Variants in MYO18A observed in about 807,000 individuals in gnomAD.
MYO18A encodes myosin XVIIIA.
A neutral mutation model predicts 235.8 loss-of-function variants in MYO18A; 78 were observed. The observed-to-expected ratio is 0.33, with a 90% confidence interval of 0.28 to 0.40. MYO18A has a LOEUF of 0.40. MYO18A is among the 10% of genes least tolerant of loss of function. The probability of loss-of-function intolerance (pLI) is 1.00; values close to 1 mark genes in which losing one functional copy is unlikely to be tolerated. For missense variants in MYO18A, 2,215 were observed against 2,699.3 expected (o/e 0.82, Z 3.98); for synonymous variants, 977 against 1,077.8 (o/e 0.91, Z 1.83).
chr17:29,128,893 C>A (rs189442386), intron 2 of MYO18A, among the ~76,000 whole-genome samples: 1 of 152,282 alleles, frequency 6.6e-6, no homozygotes, highest in East Asian at 1.9e-4. Context: ...TGTGTCAGGG[C>A]AGCAACCAAG....
At chr17:29,080,259 G>A in intron 41 of MYO18A, 2 of 985,952 alleles carry the variant, frequency 2.0e-6, no homozygotes, top group South Asian at 4.7e-5. Context: ...TCAAGACCTC[G>A]TTGACGGCAG....
intron 20 of MYO18A, among the ~76,000 whole-genome samples, chr17:29,104,267 A>G (rs1260556553): frequency 6.6e-6 from 1 of 152,192 alleles, no homozygotes; most frequent in Non-Finnish European, 1.5e-5. Context: ...CTTAGGCAGT[A>G]ATCCACAGGA....
In MYO18A at chr17:29,118,239, T is replaced by G; in HGVS notation, c.1894-50A>C. 2 of 1,575,952 alleles carry G rather than the reference T, an allele frequency of 1.3e-6. No individual in the cohort carries two copies. The highest frequency in any genetic ancestry group is 1.7e-6 in the Non-Finnish European group (2 of 1,158,368). ...GGCTGTCCCTCCCAGCACACCCCCA[T>G]GAGGCTGGGCCCTCAGGGCAAGGCT... On this transcript the variant is annotated intron_variant, in intron 9 of 41. Coordinates refer to ENST00000527372, the MANE Select transcript of MYO18A (RefSeq NM_078471.4). The surrounding 1 kb of genome is among the most constrained non-coding windows in gnomAD (Gnocchi z 4.2).
chr17:29,116,545 C>T (rs559217969), intron 10 of MYO18A, 90 bp from the exon 11 acceptor site: 126 of 1,522,576 alleles, frequency 8.3e-5, no homozygotes, highest in Non-Finnish European at 1.1e-4. Context: ...TCGGAGGGAC[C>T]GTGGGGCGGG....
At chr17:29,161,933 G>T (rs2068183523) in intron 2 of MYO18A, among the ~76,000 whole-genome samples, 1 of 152,190 alleles carries the variant, frequency 6.6e-6, no homozygotes, top group South Asian at 2.1e-4. Flanking sequence ...AAGAGTAACT[G>T]ATCCAAATAC....
At chr17:29,167,612 T>C (rs568014127) in intron 1 of MYO18A, among the ~76,000 whole-genome samples, 2 of 151,966 alleles carry the variant, frequency 1.3e-5, no homozygotes, top group South Asian at 2.1e-4. Flanking sequence ...ACTTGGGAAT[T>C]TGAGGATTGC....
rs372256212 is a variant in MYO18A at position 29,094,104 on chromosome 17, G to C, written c.4711-14C>G. 2.9e-4 allele frequency: 458 copies of C among 1,587,716 alleles called. No individual in the cohort carries two copies. The highest frequency in any genetic ancestry group is 3.8e-4 in the Non-Finnish European group (447 of 1,166,348). ...ACGCAGCTTGGCCTGGAGGTGGTTG[G>C]AGTAGGGTCTGGGTTCCCTCCCCAG... is the stretch of plus-strand genomic sequence containing the variant. On this transcript the variant is annotated splice_polypyrimidine_tract_variant and intron_variant, in intron 30 of 41. Transcript: ENST00000527372.
chr17:29,097,957 AC>A, intron 25 of MYO18A, 58 bp from the exon 26 acceptor site: 2 of 1,574,754 alleles, frequency 1.3e-6, no homozygotes, highest in African/African-American at 1.3e-5. Flanking sequence ...CACTCCCCGA[AC>A]CACACAGACC....
chr17:29,092,322 C>G, intron 34 of MYO18A, 21 bp downstream of exon 34: 1 of 1,591,556 alleles, frequency 6.3e-7, no homozygotes, highest in Non-Finnish European at 8.6e-7. Context: ...GAGCTCTGCC[C>G]CGGGCACCTT....
intron 33 of MYO18A, 64 bp downstream of exon 33, chr17:29,092,791 G>C: frequency 1.3e-6 from 2 of 1,583,818 alleles, no homozygotes; most frequent in African/African-American, 1.3e-5. Context: ...GAGCGAGAGA[G>C]AGAAAGAGAA....
Position 29,074,460 on chromosome 17 carries a change from G to A in MYO18A, c.*310C>T, listed in dbSNP as rs376522809. ...GCAGGGAGCTGAGAGGGAGGTCAAC[G>A]TGCTGGCTCCATGCAGTGCCAGGCC... On this transcript the variant is annotated 3_prime_UTR_variant, in exon 42 of 42. Transcript: ENST00000527372. This position sits in a 1 kb window ranked among gnomAD's most constrained non-coding sequence, Gnocchi z 4.4. 7 of 578,328 alleles carry A rather than the reference G, an allele frequency of 1.2e-5. 1 individual carries two copies. Among genetic ancestry groups the A allele is most frequent in the South Asian group, 4.8e-5 (2 of 41,948 alleles). The allele number at this position is 578,328 out of a possible 1,614,324, so 35.8% of individuals were successfully genotyped here.
intron 2 of MYO18A, among the ~76,000 whole-genome samples, chr17:29,129,602 C>T (rs539460223): frequency 1.1e-3 from 171 of 152,362 alleles, no homozygotes; most frequent in Non-Finnish European, 1.4e-3. Context: ...CTGAGCTGTG[C>T]TTGAGTCCTT....
rs190498027 is a variant in MYO18A, at chr17:29,074,408, A to C, written c.*362T>G. ...TGGACCCAGCAACCTAGAGTGTCCC[A>C]GTAGGCAACCTGTCCACCGTCCCTG... is the stretch of plus-strand genomic sequence containing the variant. On this transcript the variant is annotated 3_prime_UTR_variant, in exon 42 of 42. Coordinates refer to ENST00000527372, the MANE Select transcript of MYO18A (RefSeq NM_078471.4). This position sits in a 1 kb window ranked among gnomAD's most constrained non-coding sequence, Gnocchi z 4.4. The C allele has an allele frequency of 2.5e-3, 1,536 of 609,916 alleles. 12 individuals are homozygous for C. The highest frequency in any genetic ancestry group is 0.02 in the South Asian group (890 of 44,960). The allele number at this position is 609,916 out of a possible 1,614,324, so 37.8% of individuals were successfully genotyped here.
rs73268356 is a variant in MYO18A, at chr17:29,097,389, G to C, written c.4103-39C>G. On this transcript the variant is annotated intron_variant, in intron 26 of 41. Transcript: ENST00000527372. ...GCAGACAAGGGAGGATGGAGGTGCT[G>C]AGAGTCCCCAGAAGGGGCAGAGGGG... The C allele has an allele frequency of 6.5e-4, 1,034 of 1,601,010 alleles. 7 individuals are homozygous for C. The African/African-American group carries it at 0.011, about 17-fold the overall frequency.
chr17:29,120,770 A>C lies in MYO18A; in HGVS notation c.1586-12T>G. On this transcript the variant is annotated splice_polypyrimidine_tract_variant and intron_variant, in intron 6 of 41. Transcript: ENST00000527372. This position sits in a 1 kb window ranked among gnomAD's most constrained non-coding sequence, Gnocchi z 4.2. Reference sequence around the variant, plus strand: ...CTGCCACTTCTCCACTGCAGAATACAGGCCCAAGGGGATATCAGGAAAGCC... The same window carrying C: ...CTGCCACTTCTCCACTGCAGAATACCGGCCCAAGGGGATATCAGGAAAGCC... 1 of 1,611,162 alleles carries C rather than the reference A, an allele frequency of 6.2e-7. No individual in the cohort carries two copies. The highest frequency in any genetic ancestry group is 2.2e-5 in the East Asian group (1 of 44,870).
chr17:29,174,415 G>T (rs1325781820), intron 1 of MYO18A, among the ~76,000 whole-genome samples: 1 of 152,140 alleles, frequency 6.6e-6, no homozygotes, highest in Non-Finnish European at 1.5e-5. Context: ...GCTGAGGTGG[G>T]AGGATCACTT....
At chr17:29,108,498 A>G (rs1353464405) in intron 19 of MYO18A, among the ~76,000 whole-genome samples, 1 of 152,182 alleles carries the variant, frequency 6.6e-6, no homozygotes, top group Non-Finnish European at 1.5e-5. Flanking sequence ...AGACACAGAA[A>G]CGGAGGCCTG....
Position 29,118,576 on chromosome 17 carries a change from C to A in MYO18A, c.1830-136G>T. 1.3e-6 allele frequency: 1 copy of A among 759,446 alleles called. No homozygotes were observed. The highest frequency in any genetic ancestry group is 2.2e-6 in the Non-Finnish European group (1 of 458,946). 47.0% of individuals were successfully genotyped at this position (759,446 alleles called of 1,614,324 possible). On this transcript the variant is annotated intron_variant, in intron 8 of 41. Transcript: ENST00000527372. The surrounding 1 kb of genome is among the most constrained non-coding windows in gnomAD (Gnocchi z 4.2). The stretch of plus-strand genomic sequence containing the variant: ...CCATCATCCCATCATCCCCAACTGG[C>A]GGGCCAGCTGTCACTGCTTTCCTAA...
chr17:29,085,272 G>A (rs1002643183), intron 40 of MYO18A, among the ~76,000 whole-genome samples: 16 of 152,232 alleles, frequency 1.1e-4, no homozygotes, highest in Admixed American at 9.2e-4. Flanking sequence ...CAGGGAGGTG[G>A]CCACACTTGG....
Sources: gnomAD v4.1 joint callset for allele counts (sites outside exome capture counted in the v4.1 genomes callset) on GRCh38, gnomAD v4.1.1 for gene constraint, Gnocchi (gnomAD v3.1) non-coding constraint, MANE v1.5 for transcripts, NCBI Gene and HGNC (gene_info 2026-07-23, HGNC 2026-07-21) for gene names.